Variants in OSBPL10 observed in about 807,000 individuals in gnomAD.
The protein encoded by OSBPL10 is oxysterol-binding protein-related protein 10.
In OSBPL10, 49 loss-of-function variants were observed where a neutral mutation model predicts 81.7. That is an observed-to-expected ratio of 0.60 (90% CI 0.48 to 0.76). OSBPL10 has a LOEUF of 0.76. OSBPL10 is among the 30% of genes least tolerant of loss of function. OSBPL10 has a pLI of 0.00. For missense variants in OSBPL10, 923 were observed against 987.8 expected (o/e 0.93, Z 0.88); for synonymous variants, 419 against 383.6 (o/e 1.09, Z -1.08).
At chr3:31,745,423 G>A (rs1397688629) in intron 5 of OSBPL10, among the ~76,000 whole-genome samples, 1 of 152,160 alleles carries the variant, frequency 6.6e-6, no homozygotes, top group Non-Finnish European at 1.5e-5. Context: ...GTTACTGTTT[G>A]GGGAATTTGA....
At chr3:31,957,586 T>G (rs779457308) in intron 1 of OSBPL10, among the ~76,000 whole-genome samples, 1 of 152,202 alleles carries the variant, frequency 6.6e-6, no homozygotes, top group South Asian at 2.1e-4. Context: ...CGTGGAGATA[T>G]GTACTTGGAG....
intron 1 of OSBPL10, among the ~76,000 whole-genome samples, chr3:31,934,037 AAAG>A (rs1455200753): frequency 9.9e-5 from 15 of 152,028 alleles, no homozygotes; most frequent in African/African-American, 3.6e-4. Flanking sequence ...ATTGTACTGT[AAAG>A]AAGGCATGAA....
At chr3:32,027,774 G>A (rs1034604479) in intron 2 of OSBPL10, among the ~76,000 whole-genome samples, 1 of 152,164 alleles carries the variant, frequency 6.6e-6, no homozygotes, top group Non-Finnish European at 1.5e-5. Context: ...GACTACAGGT[G>A]CACATCACTG....
intron 4 of OSBPL10, among the ~76,000 whole-genome samples, chr3:31,819,159 T>TGGA (rs1464723256): frequency 6.6e-6 from 1 of 152,140 alleles, no homozygotes; most frequent in Non-Finnish European, 1.5e-5. Context: ...AGGGGTAGGA[T>TGGA]GGACAGGAGA....
At chr3:31,673,111 C>T (rs1450922902) in intron 8 of OSBPL10, among the ~76,000 whole-genome samples, 1 of 152,134 alleles carries the variant, frequency 6.6e-6, no homozygotes, top group Non-Finnish European at 1.5e-5. Flanking sequence ...GTCATTCATT[C>T]TTCCTTCTGC....
chr3:31,708,368 A>G (rs1435109388), intron 6 of OSBPL10, among the ~76,000 whole-genome samples: 1 of 152,224 alleles, frequency 6.6e-6, no homozygotes, highest in Non-Finnish European at 1.5e-5. Context: ...TATCACAATC[A>G]TTACATAATC....
chr3:31,827,349 C>T (rs1356046880), intron 4 of OSBPL10, among the ~76,000 whole-genome samples: 4 of 151,918 alleles, frequency 2.6e-5, no homozygotes, highest in Non-Finnish European at 4.4e-5. Flanking sequence ...AAATTTAGAT[C>T]GCTCTGGCCA....
chr3:31,683,556 C>T, intron 8 of OSBPL10, 78 bp downstream of exon 8: 1 of 1,522,550 alleles, frequency 6.6e-7, no homozygotes, highest in East Asian at 2.3e-5. Context: ...AAACTCCACA[C>T]ACAAAATTAT....
At chr3:31,720,263 C>T (rs1239381901) in intron 6 of OSBPL10, among the ~76,000 whole-genome samples, 1 of 152,010 alleles carries the variant, frequency 6.6e-6, no homozygotes, top group Non-Finnish European at 1.5e-5. Flanking sequence ...CCTACTACTG[C>T]CAAAGCACGA....
intron 4 of OSBPL10, among the ~76,000 whole-genome samples, chr3:31,772,649 C>T (rs572854083): frequency 9.8e-5 from 15 of 152,304 alleles, no homozygotes; most frequent in African/African-American, 3.6e-4. Context: ...TGGTCATCTC[C>T]GCATGAAGCT....
At chr3:32,070,368 A>G (rs776855345) in intron 1 of OSBPL10, among the ~76,000 whole-genome samples, 6 of 152,200 alleles carry the variant, frequency 3.9e-5, no homozygotes, top group Non-Finnish European at 7.3e-5. Context: ...TATTAGGTCA[A>G]GACATTTTAA....
At chr3:31,982,455 T>TA (rs35289632), upstream of OSBPL10, among the ~76,000 whole-genome samples, 145 of 152,024 alleles carry the variant, frequency 9.5e-4, 2 homozygotes, top group South Asian at 0.026. Flanking sequence ...CTTCAAGAGT[T>TA]AAAAAAAATT....
Position 31,670,975 on chromosome 3 carries a change from T to C in OSBPL10, c.1735A>G (p.Arg579Gly), listed in dbSNP as rs1309182701. 1.2e-6 allele frequency: 2 copies of C among 1,611,236 alleles called. No individual in the cohort carries two copies. The highest frequency in any genetic ancestry group is 1.7e-6 in the Non-Finnish European group (2 of 1,178,416). Residue 579 changes from arginine (R) to glycine (G), a missense_variant, in exon 9 of 12, where the codon AGG (arginine) becomes GGG (glycine). Arg to Gly is a moderately radical substitution (Grantham distance 125). Transcript: ENST00000396556. ...GVSMIGEGVL[R>G]LLEHGEEYVF... ...TACTCCTCCCCGTGTTCCAGGAGCC[T>C]CAACACACCTCCAGGGAGAGAGGAG... is the stretch of plus-strand genomic sequence containing the variant.
At chr3:31,983,104 C>A (rs185506896), upstream of OSBPL10, among the ~76,000 whole-genome samples, 180 of 152,324 alleles carry the variant, frequency 1.2e-3, 1 homozygote, top group African/African-American at 4.0e-3. Flanking sequence ...GGCCATGTAA[C>A]ATGCACAAAA....
intron 2 of OSBPL10, among the ~76,000 whole-genome samples, chr3:32,043,165 C>G (rs1475825879): frequency 3.3e-5 from 5 of 152,080 alleles, no homozygotes; most frequent in East Asian, 3.9e-4. Context: ...AGACCTCCCC[C>G]AAGGAATGCA....
In OSBPL10 at chr3:31,935,838, A is replaced by G. The variant is rs145046721; in HGVS notation, c.281+45061T>C. On this transcript the variant is annotated intron_variant, in intron 1 of 11. Coordinates refer to ENST00000396556, the MANE Select transcript of OSBPL10 (RefSeq NM_017784.5). ...CACCCGGCCAAAATAATTGGTTTTCATATGTAGAAAGGGAAAGGAAATAGG... is the reference window on the plus strand; with the variant it reads ...CACCCGGCCAAAATAATTGGTTTTCGTATGTAGAAAGGGAAAGGAAATAGG... 7.9e-5 allele frequency among the ~76,000 whole-genome samples: 12 copies of G among 152,284 alleles called. No homozygotes were observed. In the East Asian group the frequency reaches 1.5e-3, roughly 20 times the overall value.
At chr3:31,772,469 G>A (rs1012778161) in intron 4 of OSBPL10, among the ~76,000 whole-genome samples, 6 of 152,166 alleles carry the variant, frequency 3.9e-5, no homozygotes, top group Admixed American at 2.0e-4. Context: ...CATCTTGGTG[G>A]ATTTTATTTT....
At chr3:31,999,938 A>G (rs561740478) in intron 2 of OSBPL10, among the ~76,000 whole-genome samples, 1 of 152,196 alleles carries the variant, frequency 6.6e-6, no homozygotes, top group Admixed American at 6.5e-5. Context: ...CAAAATGTTC[A>G]TAAGAGCCTC....
intron 3 of OSBPL10, among the ~76,000 whole-genome samples, chr3:31,858,764 A>T (rs1700988996): frequency 6.6e-6 from 1 of 151,890 alleles, no homozygotes; most frequent in African/African-American, 2.4e-5. Context: ...AGCCTGGCTG[A>T]GTCTGGATTA....
Sources: allele counts gnomAD v4.1 joint callset (sites outside exome capture counted in the v4.1 genomes callset), GRCh38; gene constraint gnomAD v4.1.1; transcripts MANE v1.5; gene names NCBI Gene and HGNC (gene_info 2026-07-23, HGNC 2026-07-21).